NFIA: variants seen among roughly 807,000 people sequenced by gnomAD.
NFIA encodes nuclear factor 1 A-type.
A neutral mutation model predicts 62.8 loss-of-function variants in NFIA; 8 were observed. The ratio of observed to expected loss-of-function variants is 0.13; its 90% CI spans 0.07 to 0.23. The LOEUF is 0.23. Among genes scored for constraint, NFIA ranks in the 10% least tolerant of loss-of-function variants. NFIA has a pLI of 1.00. For synonymous variants in NFIA, 235 were observed against 238.1 expected, an observed-to-expected ratio of 0.99 and a Z score of 0.12; for missense variants, 410 against 642.1, an observed-to-expected ratio of 0.64 and a Z score of 3.91.
intron 2 of NFIA, among the ~76,000 whole-genome samples, chr1:61,089,391 T>C (rs759560581): frequency 9.9e-5 from 15 of 152,214 alleles, no homozygotes; most frequent in South Asian, 2.1e-4. Flanking sequence ...ATTTTTTTTC[T>C]GTTTTTTCAA....
At chr1:61,422,217 C>T (rs1666652528) in intron 9 of NFIA, among the ~76,000 whole-genome samples, 2 of 152,176 alleles carry the variant, frequency 1.3e-5, no homozygotes, top group South Asian at 2.1e-4. Flanking sequence ...AAGCTGTGTT[C>T]CTGCCACTGC....
intron 2 of NFIA, among the ~76,000 whole-genome samples, chr1:61,243,665 T>G (rs1490174546): frequency 6.6e-6 from 1 of 152,190 alleles, no homozygotes; most frequent in African/African-American, 2.4e-5. Flanking sequence ...TCGTAACAAG[T>G]TATGAGTATG....
At chr1:61,336,799 T>TATCTA (rs1661632952) in intron 4 of NFIA, among the ~76,000 whole-genome samples, 1 of 152,202 alleles carries the variant, frequency 6.6e-6, no homozygotes, top group African/African-American at 2.4e-5. Context: ...AACCTTCTGT[T>TATCTA]ATCTATCCCA....
intron 4 of NFIA, among the ~76,000 whole-genome samples, chr1:61,346,340 C>T (rs1269583552): frequency 6.6e-6 from 1 of 152,112 alleles, no homozygotes; most frequent in Non-Finnish European, 1.5e-5. Flanking sequence ...CTCAAAAACC[C>T]AATGTGATAA....
intron 2 of NFIA, among the ~76,000 whole-genome samples, chr1:61,238,306 C>T (rs1485640004): frequency 6.6e-6 from 1 of 152,232 alleles, no homozygotes; most frequent in Non-Finnish European, 1.5e-5. Context: ...CTATCTGTAA[C>T]ACCTTGTCCA....
chr1:61,280,088 A>G (rs1658040541), intron 3 of NFIA, among the ~76,000 whole-genome samples: 1 of 152,238 alleles, frequency 6.6e-6, no homozygotes, highest in African/African-American at 2.4e-5. Flanking sequence ...TTATCAGCCT[A>G]CTCAGTTTTC....
intron 2 of NFIA, among the ~76,000 whole-genome samples, chr1:61,270,778 C>G (rs994739132): frequency 1.3e-5 from 2 of 152,114 alleles, no homozygotes; most frequent in African/African-American, 4.8e-5. Flanking sequence ...TTAAGCAGGT[C>G]TTTGTTTACA....
At chr1:61,419,224 C>T (rs921988257) in intron 9 of NFIA, among the ~76,000 whole-genome samples, 1 of 152,172 alleles carries the variant, frequency 6.6e-6, no homozygotes, top group Non-Finnish European at 1.5e-5. Context: ...AGGAAGATTG[C>T]TTGAAACCAG....
Position 61,406,543 on chromosome 1 carries a change from G to GGGCCCC in NFIA, c.1255-19_1255-18insGGCCCC. On this transcript the variant is annotated intron_variant, in intron 8 of 10. Transcript: ENST00000403491. ...TCTTTTTCTTGTACGTGTGTTTTCT[G>GGGCCCC]CCCCCCCCCCCCCCACAGCCCAATG... The GGGCCCC allele has an allele frequency of 1.1e-6, 1 of 876,648 alleles. No homozygotes were observed. The highest frequency in any genetic ancestry group is 2.0e-5 in the South Asian group (1 of 49,210). The allele number at this position is 876,648 out of a possible 1,614,324, so 54.3% of individuals were successfully genotyped here.
rs576613886 is a variant in NFIA at position 61,283,581 on chromosome 1, C to CAAAAAAAAAAAAAA, written c.625+6010_625+6023dup. 1.4e-3 allele frequency among the ~76,000 whole-genome samples: 50 copies of CAAAAAAAAAAAAAA among 36,690 alleles called. 2 individuals carry two copies. The highest frequency in any genetic ancestry group is 0.013 in the East Asian group (14 of 1,090). The allele number at this position is 36,690 out of a possible 152,430, so 24.1% of individuals were successfully genotyped here. ...TGGGTGACAGAACGAGACTCTGTCTCAAAAAAAAAAAAAAAAAAAAAAAAA... is the reference window on the plus strand; with the variant it reads ...TGGGTGACAGAACGAGACTCTGTCTCAAAAAAAAAAAAAAAAAAAAAAAAAAAAAAAAAAAAAAA... On this transcript the variant is annotated intron_variant, in intron 3 of 10. Coordinates refer to ENST00000403491, the MANE Select transcript of NFIA (RefSeq NM_001134673.4).
intron 4 of NFIA, among the ~76,000 whole-genome samples, chr1:61,342,544 G>A (rs1661979864): frequency 1.3e-5 from 2 of 152,182 alleles, no homozygotes; most frequent in East Asian, 3.8e-4. Flanking sequence ...AGATCAGTCA[G>A]CATTGCTAAC....
rs189066139 is a variant in NFIA at position 61,229,625 on chromosome 1, G to A, written c.560-47895G>A. ...TATAAGAATCCCATCCTTGCTCTGTGATCAAAGTCTGATTGAATCAGGAGC... is the reference window on the plus strand; with the variant it reads ...TATAAGAATCCCATCCTTGCTCTGTAATCAAAGTCTGATTGAATCAGGAGC... On this transcript the variant is annotated intron_variant, in intron 2 of 10. Coordinates refer to ENST00000403491, the MANE Select transcript of NFIA (RefSeq NM_001134673.4). Among the ~76,000 whole-genome samples the A allele has an allele frequency of 1.0e-3, 153 of 152,260 alleles. 1 individual carries two copies. Among genetic ancestry groups the A allele is most frequent in the Non-Finnish European group, 1.5e-3 (99 of 68,020 alleles).
chr1:61,091,594 A>G (rs968588047), intron 2 of NFIA, among the ~76,000 whole-genome samples: 1 of 152,102 alleles, frequency 6.6e-6, no homozygotes, highest in African/African-American at 2.4e-5. Context: ...CTTCCCATGT[A>G]TCATATGACA....
intron 2 of NFIA, among the ~76,000 whole-genome samples, chr1:61,093,131 C>G (rs1026043959): frequency 2.6e-5 from 4 of 151,992 alleles, no homozygotes; most frequent in African/African-American, 9.7e-5. Context: ...TAGTTTGAGG[C>G]AACATTGCAT....
chr1:61,114,550 A>T (rs1646764583), intron 2 of NFIA, among the ~76,000 whole-genome samples: 1 of 151,868 alleles, frequency 6.6e-6, no homozygotes, highest in Non-Finnish European at 1.5e-5. Context: ...TTTCCAGATT[A>T]TTTTTTCTTA....
chr1:61,343,923 T>C (rs1183639844), intron 4 of NFIA, among the ~76,000 whole-genome samples: 1 of 152,220 alleles, frequency 6.6e-6, no homozygotes, highest in Non-Finnish European at 1.5e-5. Context: ...TCGTGTTACC[T>C]CTTATACAAA....
intron 10 of NFIA, among the ~76,000 whole-genome samples, chr1:61,436,279 C>T (rs904944347): frequency 2.0e-5 from 3 of 152,068 alleles, no homozygotes; most frequent in Non-Finnish European, 4.4e-5. Flanking sequence ...CCTGGTTTTG[C>T]AGAGCTTGAG....
chr1:61,374,942 A>G (rs77394732), intron 6 of NFIA, among the ~76,000 whole-genome samples: 10,653 of 152,292 alleles, frequency 0.07, 485 homozygotes, highest in Admixed American at 0.11. Context: ...TATTAGAATG[A>G]ACTCTAATGG....
intron 6 of NFIA, among the ~76,000 whole-genome samples, chr1:61,379,870 A>G (rs985929501): frequency 2.6e-5 from 4 of 152,144 alleles, no homozygotes; most frequent in Non-Finnish European, 5.9e-5. Context: ...ACAAATACCA[A>G]TGATGAATTT....
Sources: allele counts gnomAD v4.1 joint callset (sites outside exome capture counted in the v4.1 genomes callset), GRCh38; gene constraint gnomAD v4.1.1; transcripts MANE v1.5; gene names NCBI Gene and HGNC (gene_info 2026-07-23, HGNC 2026-07-21).